The following MYL12A variants were observed in gnomAD, a reference collection of about 807,000 sequenced individuals.
MYL12A encodes the protein myosin regulatory light chain 12A.
MYL12A carries 11 observed loss-of-function variants against 13.3 expected under a neutral mutation model. The observed-to-expected ratio is 0.83, with a 90% CI of 0.52 to 1.37. The LOEUF (loss-of-function observed/expected upper bound fraction) is 1.37. MYL12A is among the 40% of genes most tolerant of loss of function. MYL12A has a pLI of 0.00. For synonymous variants in MYL12A, 51 were observed against 69.9 expected, an observed-to-expected ratio of 0.73 and a Z score of 1.35; for missense variants, 146 against 212.3, an observed-to-expected ratio of 0.69 and a Z score of 1.94.
chr18:3,250,593 C>T (rs2081475137), intron 1 of MYL12A, among the ~76,000 whole-genome samples: 1 of 152,160 alleles, frequency 6.6e-6, no homozygotes, highest in South Asian at 2.1e-4. Context: ...ATCCAGCCTC[C>T]TTGAAAAAGT....
chr18:3,247,869 A>T lies in MYL12A; in HGVS notation c.-56A>T, dbSNP rs1446512402. The T allele has an allele frequency of 6.6e-6, 1 of 151,862 alleles. No individual in the cohort carries two copies. Among genetic ancestry groups the T allele is most frequent in the Non-Finnish European group, 1.5e-5 (1 of 68,020 alleles). The allele number at this position is 151,862 out of a possible 1,614,324, so 9.4% of individuals were successfully genotyped here. A position where few individuals can be genotyped will look rare whatever the true frequency, so the allele number is the denominator to read the frequency against. ...GCAGGGTGGTGTGATAGCGGCAGCG[A>T]GGGGCTCGGAGAGGTGCTCGGATTC... is the stretch of plus-strand genomic sequence containing the variant. On this transcript the variant is annotated 5_prime_UTR_variant, in exon 1 of 4. Transcript: ENST00000217652.
intron 1 of MYL12A, among the ~76,000 whole-genome samples, chr18:3,248,926 T>C (rs1247396898): frequency 2.8e-5 from 3 of 105,610 alleles, no homozygotes; most frequent in African/African-American, 1.1e-4. Context: ...ATACTTAGGC[T>C]TTTTTTTTTT....
At chr18:3,250,368 T>A (rs1427145649) in intron 1 of MYL12A, among the ~76,000 whole-genome samples, 2 of 146,966 alleles carry the variant, frequency 1.4e-5, no homozygotes, top group Admixed American at 1.3e-4. Flanking sequence ...CAAACTAGAA[T>A]CAGCAAAGAG....
At chr18:3,252,030 CT>C (rs1222975943) in intron 1 of MYL12A, among the ~76,000 whole-genome samples, 1 of 152,130 alleles carries the variant, frequency 6.6e-6, no homozygotes, top group Non-Finnish European at 1.5e-5. Context: ...TAAGAAATTA[CT>C]TTTTAAACAC....
At chr18:3,248,403 A>ATTCTC (rs1175281341) in intron 1 of MYL12A, 1 of 152,188 alleles carries the variant, frequency 6.6e-6, no homozygotes, top group Non-Finnish European at 1.5e-5. Flanking sequence ...TTGGACAGAG[A>ATTCTC]GATCTGGAGT....
chr18:3,252,414 C>T, intron 1 of MYL12A: 1 of 1,413,252 alleles, frequency 7.1e-7, no homozygotes, highest in Non-Finnish European at 9.4e-7. Flanking sequence ...TTGAAAATTG[C>T]CTTTTTATTT....
chr18:3,247,493 G>C (rs1025813893), upstream of MYL12A: 1 of 152,288 alleles, frequency 6.6e-6, no homozygotes, highest in African/African-American at 2.4e-5. Context: ...GCCCTTCGCC[G>C]TGCCCTGGAA....
At chr18:3,253,096 C>T (rs2081502634) in intron 1 of MYL12A, 137 bp from the exon 2 acceptor site, 2 of 898,508 alleles carry the variant, frequency 2.2e-6, no homozygotes, top group Admixed American at 2.9e-5. Context: ...GATGTGTCTT[C>T]TAAAGACACA....
intron 3 of MYL12A, 51 bp from the exon 4 acceptor site, chr18:3,255,695 A>C: frequency 6.4e-7 from 1 of 1,557,926 alleles, no homozygotes; most frequent in Non-Finnish European, 8.7e-7. Context: ...ATTCTTTGTA[A>C]TTAACCCTCA....
intron 1 of MYL12A, among the ~76,000 whole-genome samples, chr18:3,251,976 T>G (rs2081490167): frequency 6.6e-6 from 1 of 152,232 alleles, no homozygotes; most frequent in Non-Finnish European, 1.5e-5. Context: ...CATTCCATAA[T>G]TGTATTTAGT....
chr18:3,252,415 CT>C, intron 1 of MYL12A: 1 of 1,414,358 alleles, frequency 7.1e-7, no homozygotes, highest in Non-Finnish European at 9.4e-7. Context: ...TGAAAATTGC[CT>C]TTTTATTTTA....
In MYL12A at chr18:3,253,893, G is replaced by T. The variant is rs765451347; in HGVS notation, c.186G>T (p.Lys62Asn). The change falls in exon 3 of 4, where the codon AAG (lysine) becomes AAT (asparagine). Residue 62 changes from lysine to asparagine, a missense_variant. Lys to Asn is a moderately conservative substitution (Grantham distance 94). Transcript: ENST00000217652. The stretch of plus-strand genomic sequence containing the variant: ...TGACCCCTTTTAAAAATTTAGGGAA[G>T]AATCCAACTGATGAGTATCTAGATG... ...DLHDMLASLGKNPTDEYLDAM... is the reference protein window; with the variant it reads ...DLHDMLASLGNNPTDEYLDAM... 7 of 1,597,428 alleles carry T rather than the reference G, an allele frequency of 4.4e-6. No homozygotes were observed. The highest frequency in any genetic ancestry group is 6.0e-6 in the Non-Finnish European group (7 of 1,175,850).
chr18:3,250,898 CTA>C (rs879459174), intron 1 of MYL12A, among the ~76,000 whole-genome samples: 19 of 152,172 alleles, frequency 1.2e-4, no homozygotes, highest in Non-Finnish European at 2.5e-4. Context: ...GGAATGAAAA[CTA>C]TGACTCATTT....
chr18:3,247,644 T>C (rs2081441665), upstream of MYL12A: 1 of 152,332 alleles, frequency 6.6e-6, no homozygotes, highest in African/African-American at 2.4e-5. Flanking sequence ...TATATTGCTC[T>C]ATATTCTAGG....
At chr18:3,254,241 G>C (rs1226736902) in intron 3 of MYL12A, among the ~76,000 whole-genome samples, 191 bp downstream of exon 3, 1 of 152,062 alleles carries the variant, frequency 6.6e-6, no homozygotes. Context: ...CAATGAATAG[G>C]TTGTATTTGA....
chr18:3,251,562 C>T (rs1299568772), intron 1 of MYL12A, among the ~76,000 whole-genome samples: 2 of 152,098 alleles, frequency 1.3e-5, no homozygotes, highest in East Asian at 1.9e-4. Context: ...CAAGTCCTTG[C>T]GTACATTTAA....
intron 1 of MYL12A, chr18:3,248,675 C>T (rs1004718856): frequency 2.6e-5 from 4 of 152,156 alleles, no homozygotes; most frequent in African/African-American, 9.7e-5. Flanking sequence ...TGGAAGGGCT[C>T]TAATAAACGG....
intron 2 of MYL12A, 23 bp from the exon 3 acceptor site, chr18:3,253,866 T>G (rs1454510054): frequency 6.3e-7 from 1 of 1,586,032 alleles, no homozygotes; most frequent in Non-Finnish European, 8.5e-7. Flanking sequence ...TAATTAAAAT[T>G]ATGACCCCTT....
intron 1 of MYL12A, chr18:3,252,132 T>C (rs16944555): frequency 0.14 from 67,845 of 471,778 alleles, 5,499 homozygotes; most frequent in East Asian, 0.26. Context: ...TTTAGACCAA[T>C]GGCATAGTGT....
Sources: gnomAD v4.1 joint callset for allele counts (sites outside exome capture counted in the v4.1 genomes callset) on GRCh38, gnomAD v4.1.1 for gene constraint, MANE v1.5 for transcripts, NCBI Gene and HGNC (gene_info 2026-07-23, HGNC 2026-07-21) for gene names.